AGBL1: variants seen among roughly 807,000 people sequenced by gnomAD.
AGBL1 encodes the protein AGBL carboxypeptidase 1.
A neutral mutation model predicts 118.9 loss-of-function variants in AGBL1; 130 were observed. That is an observed-to-expected ratio of 1.09 (90% CI 0.95 to 1.26). AGBL1 has a LOEUF of 1.26. Ranked by LOEUF, AGBL1 falls within the 50% of genes most tolerant of loss-of-function variation. The pLI, the probability that AGBL1 is intolerant of heterozygous loss-of-function variation, is 0.00. For missense variants in AGBL1, 1,584 were observed against 1,298.1 expected (o/e 1.22, Z -3.38); for synonymous variants, 555 against 478.9 (o/e 1.16, Z -2.08).
intron 24 of AGBL1, among the ~76,000 whole-genome samples, chr15:87,004,619 T>A (rs1456325223): frequency 6.6e-6 from 1 of 152,178 alleles, no homozygotes; most frequent in Non-Finnish European, 1.5e-5. Flanking sequence ...TACAGCACAC[T>A]GATGGGTCTT....
chr15:86,251,436 C>T (rs1167532658), intron 7 of AGBL1, among the ~76,000 whole-genome samples: 2 of 152,120 alleles, frequency 1.3e-5, no homozygotes, highest in African/African-American at 2.4e-5. Context: ...TCCTAAATGA[C>T]GCTGATACTA....
chr15:86,123,678 C>T (rs1898228804), intron 1 of AGBL1, among the ~76,000 whole-genome samples: 1 of 152,316 alleles, frequency 6.6e-6, no homozygotes, highest in Admixed American at 6.5e-5. Flanking sequence ...AGTTGTCTCA[C>T]CTTTCTGGAC....
At chr15:86,927,283 C>T (rs1309512736) in intron 23 of AGBL1, among the ~76,000 whole-genome samples, 1 of 152,076 alleles carries the variant, frequency 6.6e-6, no homozygotes, top group East Asian at 1.9e-4. Context: ...GCTCAACTTA[C>T]AAATAATAAG....
intron 21 of AGBL1, among the ~76,000 whole-genome samples, chr15:86,622,238 G>A (rs977023772): frequency 1.3e-5 from 2 of 151,304 alleles, no homozygotes; most frequent in Non-Finnish European, 2.9e-5. Context: ...GCTGAGTCAG[G>A]AGAATCTCTT....
At chr15:86,306,878 T>C (rs1162888057) in intron 17 of AGBL1, among the ~76,000 whole-genome samples, 3 of 152,196 alleles carry the variant, frequency 2.0e-5, no homozygotes, top group African/African-American at 4.8e-5. Context: ...TAAGATGATA[T>C]CGCATTGTGG....
chr15:87,028,899 G>T, exon 25 of AGBL1: 1 of 1,535,822 alleles, frequency 6.5e-7, no homozygotes, highest in Non-Finnish European at 9.0e-7. Context: ...AGCTCCTCCT[G>T]GATCTGTGAG....
Position 86,409,939 on chromosome 15 carries a change from T to C in AGBL1, c.2555+12393T>C, listed in dbSNP as rs545007018. On this transcript the variant is annotated intron_variant, in intron 18 of 22. Coordinates refer to ENST00000614907, the MANE Select transcript of AGBL1 (RefSeq NM_001386094.1). Reference sequence around the variant, plus strand: ...AGGGATAGAGGGAGGTAGATGAGCATCTATTATTTCATTCTAAATTTCCCC... The same window carrying C: ...AGGGATAGAGGGAGGTAGATGAGCACCTATTATTTCATTCTAAATTTCCCC... 1.4e-3 allele frequency among the ~76,000 whole-genome samples: 219 copies of C among 152,274 alleles called. 6 individuals are homozygous for C. In the South Asian group the frequency reaches 0.044, roughly 30 times the overall value.
chr15:86,773,263 T>C (rs1011999873), intron 22 of AGBL1, among the ~76,000 whole-genome samples: 3 of 151,972 alleles, frequency 2.0e-5, no homozygotes, highest in Admixed American at 6.6e-5. Flanking sequence ...AACATGGTAA[T>C]GCAGTGATGG....
intron 19 of AGBL1, among the ~76,000 whole-genome samples, chr15:86,525,157 C>CA (rs34846889): frequency 0.14 from 20,283 of 144,696 alleles, 3,712 homozygotes; most frequent in African/African-American, 0.43. Context: ...ACAATAGCTA[C>CA]AAAAAAAAAA....
intron 22 of AGBL1, among the ~76,000 whole-genome samples, chr15:86,704,250 C>T (rs1016120971): frequency 1.3e-5 from 2 of 152,120 alleles, no homozygotes; most frequent in Non-Finnish European, 2.9e-5. Context: ...GACTAAAACA[C>T]CAAAAGCAAT....
At chr15:86,842,488 A>T (rs1193532771) in intron 22 of AGBL1, among the ~76,000 whole-genome samples, 3 of 152,078 alleles carry the variant, frequency 2.0e-5, no homozygotes, top group Non-Finnish European at 2.9e-5. Context: ...TAATTAAGAG[A>T]TTTTCTTTCT....
intron 6 of AGBL1, among the ~76,000 whole-genome samples, chr15:86,236,821 A>G (rs1169461833): frequency 1.3e-5 from 2 of 149,888 alleles, no homozygotes. Context: ...GATTGGTTTG[A>G]CCAGGCGTGT....
intron 22 of AGBL1, among the ~76,000 whole-genome samples, chr15:86,794,963 G>A (rs1042201946): frequency 6.6e-6 from 1 of 152,102 alleles, no homozygotes; most frequent in African/African-American, 2.4e-5. Flanking sequence ...CACCCGGGGG[G>A]ACCAGCACCT....
intron 17 of AGBL1, among the ~76,000 whole-genome samples, chr15:86,331,407 A>T (rs574659638): frequency 0.015 from 864 of 59,094 alleles, 4 homozygotes; most frequent in Non-Finnish European, 0.024. Context: ...AAATTTCCCT[A>T]ATCTTACTTA....
At chr15:86,304,623 C>G (rs1262530196) in intron 17 of AGBL1, among the ~76,000 whole-genome samples, 4 of 152,170 alleles carry the variant, frequency 2.6e-5, no homozygotes, top group East Asian at 1.9e-4. Flanking sequence ...TGTTCTTGCT[C>G]CTAGCCACCA....
intron 21 of AGBL1, among the ~76,000 whole-genome samples, chr15:86,670,632 C>T (rs1414700241): frequency 1.2e-4 from 7 of 57,444 alleles, no homozygotes; most frequent in East Asian, 1.5e-3. Flanking sequence ...CACACAAACA[C>T]GCTGTGTGTG....
At chr15:86,273,189 G>A (rs2079189460) in intron 15 of AGBL1, among the ~76,000 whole-genome samples, 1 of 152,132 alleles carries the variant, frequency 6.6e-6, no homozygotes, top group African/African-American at 2.4e-5. Flanking sequence ...GGAGTAAGAA[G>A]GCTAAGGGGA....
chr15:86,914,477 T>G lies in AGBL1; in HGVS notation c.*7183T>G, dbSNP rs1162204088. 6.6e-6 allele frequency: 1 copy of G among 152,174 alleles called. No homozygotes were observed. 9.4% of individuals were successfully genotyped at this position (152,174 alleles called of 1,614,324 possible). ...GAATCTGTTCCCGGGGAAATCTGACTTCCTAACTCATGCTCCCTCCACTTC... is the reference window on the plus strand; with the variant it reads ...GAATCTGTTCCCGGGGAAATCTGACGTCCTAACTCATGCTCCCTCCACTTC... On this transcript the variant is annotated 3_prime_UTR_variant, in exon 23 of 23. Transcript: ENST00000614907.
intron 22 of AGBL1, among the ~76,000 whole-genome samples, chr15:86,682,213 T>C (rs747815688): frequency 9.9e-5 from 15 of 152,210 alleles, no homozygotes; most frequent in Non-Finnish European, 2.1e-4. Context: ...GGAATTATTA[T>C]AGATTATGAG....
Sources: allele counts gnomAD v4.1 joint callset (sites outside exome capture counted in the v4.1 genomes callset), GRCh38; gene constraint gnomAD v4.1.1; transcripts MANE v1.5; gene names NCBI Gene and HGNC (gene_info 2026-07-23, HGNC 2026-07-21).